The following BCKDHB variants were observed in gnomAD, a reference collection of about 807,000 sequenced individuals.
The protein encoded by BCKDHB is 2-oxoisovalerate dehydrogenase subunit beta, mitochondrial.
BCKDHB carries 41 observed loss-of-function variants against 48.5 expected under a neutral mutation model. That is an observed-to-expected ratio of 0.85 (90% CI 0.66 to 1.10). The LOEUF is 1.10. BCKDHB is among the 50% of genes least tolerant of loss of function. The pLI, the probability that BCKDHB is intolerant of heterozygous loss-of-function variation, is 0.00. For synonymous variants in BCKDHB, 201 were observed against 174.8 expected (o/e 1.15, Z -1.18); for missense variants, 496 against 494.2 (o/e 1.00, Z -0.03).
chr6:80,380,293 C>A, the BCKDHB span, among the ~76,000 whole-genome samples: 1 of 151,730 alleles, frequency 6.6e-6, no homozygotes, highest in African/African-American at 2.4e-5. Flanking sequence ...ATACCTATAA[C>A]CAATGGATCT....
At chr6:80,302,707 C>T (rs1767650154) in intron 9 of BCKDHB, among the ~76,000 whole-genome samples, 1 of 152,164 alleles carries the variant, frequency 6.6e-6, no homozygotes, top group Non-Finnish European at 1.5e-5. Flanking sequence ...CCAGTTATTT[C>T]TATCGATTGC....
the BCKDHB span, among the ~76,000 whole-genome samples, chr6:80,454,652 G>A: frequency 1.3e-5 from 2 of 152,140 alleles, no homozygotes; most frequent in Non-Finnish European, 2.9e-5. Flanking sequence ...TGTTTGCAAG[G>A]CATTGGATGC....
chr6:80,429,310 C>T, the BCKDHB span, among the ~76,000 whole-genome samples: 33 of 152,158 alleles, frequency 2.2e-4, no homozygotes, highest in Non-Finnish European at 4.0e-4. Flanking sequence ...TAGCATGATG[C>T]CTCCAGCTTT....
intron 3 of BCKDHB, among the ~76,000 whole-genome samples, chr6:80,155,152 T>C (rs1355312345): frequency 2.0e-5 from 3 of 152,120 alleles, no homozygotes; most frequent in Non-Finnish European, 4.4e-5. Context: ...TTAACATGCT[T>C]TTTATTTTAT....
rs565456385 is a variant in BCKDHB, at chr6:80,125,462, C to T, written c.197-2085C>T. Among the ~76,000 whole-genome samples the T allele has an allele frequency of 5.6e-4, 85 of 152,314 alleles. 1 individual carries two copies. Among genetic ancestry groups the T allele is most frequent in the African/African-American group, 1.9e-3 (81 of 41,570 alleles). On this transcript the variant is annotated intron_variant, in intron 1 of 9. Coordinates refer to ENST00000320393, the MANE Select transcript of BCKDHB (RefSeq NM_183050.4). ...ATTTTCTTCAAGAACTTTTCCTTTGCATTCACAACTAGGCTATTTGGTGCA... is the reference window on the plus strand; with the variant it reads ...ATTTTCTTCAAGAACTTTTCCTTTGTATTCACAACTAGGCTATTTGGTGCA...
chr6:80,381,908 TA>T, the BCKDHB span, among the ~76,000 whole-genome samples: 145,397 of 152,174 alleles, frequency 0.96, 69,837 homozygotes, highest in Middle Eastern at 1. Context: ...AAAACCTGAT[TA>T]AAACCTAAAA....
At chr6:80,148,353 A>G (rs939619521) in intron 3 of BCKDHB, among the ~76,000 whole-genome samples, 2 of 152,146 alleles carry the variant, frequency 1.3e-5, no homozygotes, top group Non-Finnish European at 2.9e-5. Flanking sequence ...AGATCAGTGT[A>G]GAAACCTTTC....
At chr6:80,134,823 G>A (rs957438748) in intron 3 of BCKDHB, among the ~76,000 whole-genome samples, 11 of 152,080 alleles carry the variant, frequency 7.2e-5, no homozygotes, top group Non-Finnish European at 1.5e-4. Flanking sequence ...CGAGATCTCA[G>A]CTCACTGCAA....
At chr6:80,419,610 C>T in the BCKDHB span, among the ~76,000 whole-genome samples, 1 of 152,150 alleles carries the variant, frequency 6.6e-6, no homozygotes, top group African/African-American at 2.4e-5. Flanking sequence ...GGCTTGCTAC[C>T]CCTGCCATTT....
chr6:80,112,082 T>A (rs778766746), intron 1 of BCKDHB, among the ~76,000 whole-genome samples: 1 of 152,250 alleles, frequency 6.6e-6, no homozygotes, highest in Admixed American at 6.5e-5. Flanking sequence ...ACTTATTTAC[T>A]TAATTTATGA....
the BCKDHB span, among the ~76,000 whole-genome samples, chr6:80,393,071 G>T: frequency 1.6e-4 from 25 of 151,752 alleles, no homozygotes; most frequent in East Asian, 3.5e-3. Context: ...TCATCAATCG[G>T]TATTTAATAT....
chr6:80,285,829 T>A (rs879144658), intron 9 of BCKDHB, among the ~76,000 whole-genome samples: 2 of 152,086 alleles, frequency 1.3e-5, no homozygotes, highest in Admixed American at 1.3e-4. Flanking sequence ...CTTTTTTTCC[T>A]CCCTTGGGGT....
At chr6:80,385,554 C>G in the BCKDHB span, among the ~76,000 whole-genome samples, 1 of 152,206 alleles carries the variant, frequency 6.6e-6, no homozygotes, top group Admixed American at 6.5e-5. Flanking sequence ...ATTCCATCAG[C>G]CTTTCCACCT....
chr6:80,311,944 T>C (rs1219896879), intron 9 of BCKDHB, among the ~76,000 whole-genome samples: 1 of 152,240 alleles, frequency 6.6e-6, no homozygotes, highest in Non-Finnish European at 1.5e-5. Context: ...TTCAAAATAG[T>C]ATTTTCTAAT....
chr6:80,422,671 G>T, the BCKDHB span, among the ~76,000 whole-genome samples: 1 of 152,142 alleles, frequency 6.6e-6, no homozygotes, highest in African/African-American at 2.4e-5. Flanking sequence ...AGTCAAAGGA[G>T]GTTATTTTAA....
rs1295567170 is a variant in BCKDHB, at chr6:80,171,280, A to G, written c.634-2A>G. On this transcript the variant is annotated splice_acceptor_variant, in intron 5 of 9. Transcript: ENST00000320393. LOFTEE classifies it high-confidence loss of function. ...TTGTCTTAAAAAAATCTGTTTTTGC[A>G]GGTGGTTATACCCAGAAGCCCTTTC... 7 of 1,593,058 alleles carry G rather than the reference A, an allele frequency of 4.4e-6. No individual in the cohort carries two copies. The highest frequency in any genetic ancestry group is 4.0e-5 in the African/African-American group (3 of 74,460).
At chr6:80,396,848 AT>A in the BCKDHB span, among the ~76,000 whole-genome samples, 1 of 152,350 alleles carries the variant, frequency 6.6e-6, no homozygotes, top group Admixed American at 6.5e-5. Context: ...CTGTAAATCA[AT>A]TAAACCTCTT....
intron 8 of BCKDHB, among the ~76,000 whole-genome samples, chr6:80,270,138 T>G (rs1777674600): frequency 6.6e-6 from 1 of 152,268 alleles, no homozygotes; most frequent in East Asian, 1.9e-4. Flanking sequence ...GTTAAAATTG[T>G]GAATGATAAA....
At chr6:80,339,946 C>T (rs186184340) in intron 9 of BCKDHB, among the ~76,000 whole-genome samples, 1 of 152,218 alleles carries the variant, frequency 6.6e-6, no homozygotes, top group Non-Finnish European at 1.5e-5. Flanking sequence ...TCTTACTTGG[C>T]TGTGTATGTA....
Sources: gnomAD v4.1 joint callset for allele counts (sites outside exome capture counted in the v4.1 genomes callset) on GRCh38, gnomAD v4.1.1 for gene constraint, MANE v1.5 for transcripts, NCBI Gene and HGNC (gene_info 2026-07-23, HGNC 2026-07-21) for gene names.